The following CTNNA3 variants were observed in gnomAD, a reference collection of about 807,000 sequenced individuals.
The protein encoded by CTNNA3 is catenin alpha 3.
CTNNA3 carries 76 observed loss-of-function variants against 95.7 expected under a neutral mutation model. The ratio of observed to expected loss-of-function variants is 0.79; its 90% CI spans 0.66 to 0.96. The LOEUF is 0.96. CTNNA3 is among the 40% of genes least tolerant of loss of function. The probability of loss-of-function intolerance (pLI) is 0.00; values close to 1 mark genes in which losing one functional copy is unlikely to be tolerated. For synonymous variants in CTNNA3, 431 were observed against 374.4 expected, an observed-to-expected ratio of 1.15 and a Z score of -1.74; for missense variants, 1,191 against 1,089.8, an observed-to-expected ratio of 1.09 and a Z score of -1.31.
intron 5 of CTNNA3, among the ~76,000 whole-genome samples, chr10:67,231,403 T>C (rs1452005990): frequency 1.3e-5 from 2 of 152,150 alleles, no homozygotes; most frequent in Admixed American, 6.5e-5. Flanking sequence ...AGGCAACCCC[T>C]AGCAGGGGCA....
chr10:67,106,461 A>C (rs907574408), intron 7 of CTNNA3, among the ~76,000 whole-genome samples: 4 of 152,224 alleles, frequency 2.6e-5, no homozygotes, highest in Admixed American at 2.6e-4. Context: ...AGAATGGCTT[A>C]ATGCCAAACA....
intron 17 of CTNNA3, among the ~76,000 whole-genome samples, chr10:65,945,840 T>A (rs74140882): frequency 0.026 from 4,009 of 152,268 alleles, 160 homozygotes; most frequent in African/African-American, 0.091. Context: ...TAGAGCTCAA[T>A]AAATGTTAGT....
intron 9 of CTNNA3, among the ~76,000 whole-genome samples, chr10:66,731,763 T>G (rs1007583509): frequency 2.0e-5 from 3 of 152,176 alleles, no homozygotes; most frequent in East Asian, 1.9e-4. Flanking sequence ...AAAGTGAACA[T>G]ATTTAACACT....
chr10:67,601,036 G>T (rs1012815865), intron 3 of CTNNA3, among the ~76,000 whole-genome samples: 3 of 152,190 alleles, frequency 2.0e-5, no homozygotes, highest in African/African-American at 7.2e-5. Flanking sequence ...CGGGGACAAG[G>T]GGCCCTCTTA....
intron 2 of CTNNA3, among the ~76,000 whole-genome samples, chr10:67,639,918 C>T (rs112492056): frequency 0.13 from 20,140 of 152,054 alleles, 2,378 homozygotes; most frequent in African/African-American, 0.32. Context: ...TGGGCAAAAA[C>T]TGGAAGAATT....
Position 67,548,782 on chromosome 10 carries a change from G to A in CTNNA3, c.293-9113C>T, listed in dbSNP as rs71496048. ...GGACAATCAAAACTTAAACCTTTTGGACTCCAAAAAAAAAATCATTAAGAA... is the reference window on the plus strand; with the variant it reads ...GGACAATCAAAACTTAAACCTTTTGAACTCCAAAAAAAAAATCATTAAGAA... On this transcript the variant is annotated intron_variant, in intron 3 of 17. Coordinates refer to ENST00000433211, the MANE Select transcript of CTNNA3 (RefSeq NM_013266.4). Among the ~76,000 whole-genome samples the A allele has an allele frequency of 9.9e-3, 1,499 of 150,832 alleles. 16 individuals are homozygous for A. Among genetic ancestry groups the A allele is most frequent in the Non-Finnish European group, 0.017 (1,121 of 67,730 alleles).
chr10:66,304,564 G>A (rs1472696336), intron 12 of CTNNA3, among the ~76,000 whole-genome samples: 2 of 151,976 alleles, frequency 1.3e-5, no homozygotes, highest in South Asian at 2.1e-4. Flanking sequence ...AATATATTTC[G>A]ATACATTTAT....
At chr10:67,493,898 T>G (rs1355818552) in intron 5 of CTNNA3, among the ~76,000 whole-genome samples, 1 of 152,156 alleles carries the variant, frequency 6.6e-6, no homozygotes, top group Admixed American at 6.5e-5. Context: ...AGCATCGTCA[T>G]GTCGTTTGGA....
intron 12 of CTNNA3, among the ~76,000 whole-genome samples, chr10:66,309,950 TAAATA>T (rs1276907516): frequency 9.4e-4 from 99 of 105,046 alleles, no homozygotes; most frequent in Non-Finnish European, 1.8e-3. Context: ...AATAAATAAA[TAAATA>T]AAATAAAAAT....
At chr10:67,198,446 G>A (rs1863479041) in intron 6 of CTNNA3, among the ~76,000 whole-genome samples, 1 of 152,148 alleles carries the variant, frequency 6.6e-6, no homozygotes, top group African/African-American at 2.4e-5. Flanking sequence ...GAGTCACAGT[G>A]TGGAAGGACA....
intron 7 of CTNNA3, among the ~76,000 whole-genome samples, chr10:66,850,079 A>G (rs773414055): frequency 1.8e-4 from 28 of 152,310 alleles, no homozygotes; most frequent in Admixed American, 9.2e-4. Context: ...TGCAAAATGC[A>G]TTTAGCTACT....
chr10:66,910,232 C>T (rs1055167109), intron 7 of CTNNA3, among the ~76,000 whole-genome samples: 2 of 152,142 alleles, frequency 1.3e-5, no homozygotes. Flanking sequence ...TAAATACTTA[C>T]AGTGTGGCTG....
chr10:66,506,490 T>C (rs1768815810), intron 11 of CTNNA3, among the ~76,000 whole-genome samples: 1 of 152,204 alleles, frequency 6.6e-6, no homozygotes, highest in Non-Finnish European at 1.5e-5. Context: ...AAAGGTTCAA[T>C]TCAATAATCC....
intron 5 of CTNNA3, among the ~76,000 whole-genome samples, chr10:67,482,206 G>T (rs1479442720): frequency 1.3e-5 from 2 of 150,982 alleles, no homozygotes; most frequent in Non-Finnish European, 3.0e-5. Context: ...TTGTTCTTTT[G>T]GCTTAGGATT....
intron 6 of CTNNA3, among the ~76,000 whole-genome samples, chr10:67,181,042 G>A (rs1315866697): frequency 6.6e-6 from 1 of 152,162 alleles, no homozygotes; most frequent in Non-Finnish European, 1.5e-5. Flanking sequence ...AGGCTGAAAG[G>A]CTGTCTTACC....
At chr10:66,892,425 C>T (rs560170743) in intron 7 of CTNNA3, among the ~76,000 whole-genome samples, 8 of 152,084 alleles carry the variant, frequency 5.3e-5, no homozygotes, top group South Asian at 4.1e-4. Context: ...TATTGTAAAT[C>T]GCATTACTCT....
rs530229285 is a variant in CTNNA3 at position 66,941,869 on chromosome 10, A to T, written c.1048-166345T>A. On this transcript the variant is annotated intron_variant, in intron 7 of 17. Coordinates refer to ENST00000433211, the MANE Select transcript of CTNNA3 (RefSeq NM_013266.4). ...CATCAGCATATACAGAGGATGACCT[A>T]AAAAAACCACTTTAAGATAGATGGG... Among the ~76,000 whole-genome samples, 15 of 152,300 alleles carry T rather than the reference A, an allele frequency of 9.8e-5. No individual in the cohort carries two copies. In the South Asian group the frequency reaches 2.1e-3, roughly 21 times the overall value.
chr10:66,723,225 T>C lies in CTNNA3; in HGVS notation c.1281+43039A>G, dbSNP rs535379957. 2.0e-5 allele frequency among the ~76,000 whole-genome samples: 3 copies of C among 152,320 alleles called. No individual in the cohort carries two copies. In the South Asian group the frequency reaches 6.2e-4, roughly 32 times the overall value. Reference sequence around the variant, plus strand: ...AATGTCTCTCTCTTTATGCAGGCTATGAGATACATGATAGTTGTTTCTAGT... The same window carrying C: ...AATGTCTCTCTCTTTATGCAGGCTACGAGATACATGATAGTTGTTTCTAGT... On this transcript the variant is annotated intron_variant, in intron 9 of 17. Transcript: ENST00000433211.
chr10:66,786,101 A>C (rs1311031282), intron 7 of CTNNA3, among the ~76,000 whole-genome samples: 1 of 151,128 alleles, frequency 6.6e-6, no homozygotes, highest in African/African-American at 2.4e-5. Flanking sequence ...TCTATGACCC[A>C]CTCCCTCCCC....
Sources: gnomAD v4.1 joint callset for allele counts (sites outside exome capture counted in the v4.1 genomes callset) on GRCh38, gnomAD v4.1.1 for gene constraint, MANE v1.5 for transcripts, NCBI Gene and HGNC (gene_info 2026-07-23, HGNC 2026-07-21) for gene names.